SORCS1: variants seen among roughly 807,000 people sequenced by gnomAD.
SORCS1 encodes VPS10 domain-containing receptor SorCS1.
SORCS1 carries 60 observed loss-of-function variants against 146.1 expected under a neutral mutation model. The observed-to-expected ratio is 0.41, with a 90% CI of 0.33 to 0.51. The LOEUF (loss-of-function observed/expected upper bound fraction) is 0.51. SORCS1 is among the 20% of genes least tolerant of loss of function. The pLI, the probability that SORCS1 is intolerant of heterozygous loss-of-function variation, is 0.21. For synonymous variants in SORCS1, 637 were observed against 584.0 expected (o/e 1.09, Z -1.31); for missense variants, 1,352 against 1,487.6 (o/e 0.91, Z 1.50).
intron 13 of SORCS1, among the ~76,000 whole-genome samples, chr10:106,676,860 G>T (rs186679670): frequency 6.6e-6 from 1 of 152,116 alleles, no homozygotes; most frequent in African/African-American, 2.4e-5. Context: ...TAGTATCAAG[G>T]AGCTGAAACT....
rs553663251 is a variant in SORCS1 at position 106,655,492 on chromosome 10, G to C, written c.2304-2939C>G. The stretch of plus-strand genomic sequence containing the variant: ...CTTGGTGGGCAGCTATAGAAACACT[G>C]GTTCACCATCACCACTAGCATCATC... On this transcript the variant is annotated intron_variant, in intron 17 of 25. Transcript: ENST00000263054. 7.9e-5 allele frequency among the ~76,000 whole-genome samples: 12 copies of C among 151,974 alleles called. No individual in the cohort carries two copies. In the East Asian group the frequency reaches 2.1e-3, roughly 27 times the overall value.
At chr10:106,902,074 A>G (rs1367744706) in intron 2 of SORCS1, among the ~76,000 whole-genome samples, 1 of 152,070 alleles carries the variant, frequency 6.6e-6, no homozygotes, top group African/African-American at 2.4e-5. Flanking sequence ...TTACTATTCT[A>G]TCACAATATT....
intron 2 of SORCS1, among the ~76,000 whole-genome samples, chr10:106,872,592 T>C (rs920059068): frequency 2.0e-5 from 3 of 152,166 alleles, no homozygotes; most frequent in Admixed American, 6.5e-5. Flanking sequence ...ATGCCTATTC[T>C]CCTAAGAATG....
Position 106,864,674 on chromosome 10 carries a change from C to T in SORCS1, c.627-35001G>A, listed in dbSNP as rs140031716. On this transcript the variant is annotated intron_variant, in intron 2 of 25. Transcript: ENST00000263054. ...CAGGATAAGACCTGCTGATGCGGAA[C>T]TCCAGCCAGCCACTGGTAGCAACAA... 2.4e-4 allele frequency among the ~76,000 whole-genome samples: 36 copies of T among 152,254 alleles called. No individual in the cohort carries two copies. In the East Asian group the frequency reaches 5.0e-3, roughly 21 times the overall value.
chr10:107,051,803 A>C (rs1423312203), intron 1 of SORCS1, among the ~76,000 whole-genome samples: 1 of 152,188 alleles, frequency 6.6e-6, no homozygotes, highest in Non-Finnish European at 1.5e-5. Context: ...TGTTTAAGAC[A>C]CGCTAATTCA....
At chr10:106,916,296 C>A (rs1348573052) in intron 2 of SORCS1, among the ~76,000 whole-genome samples, 1 of 151,982 alleles carries the variant, frequency 6.6e-6, no homozygotes, top group East Asian at 1.9e-4. Context: ...CAAAGGCACT[C>A]AAACTATTTA....
At chr10:107,065,612 G>A (rs1961772413) in intron 1 of SORCS1, among the ~76,000 whole-genome samples, 1 of 150,408 alleles carries the variant, frequency 6.6e-6, no homozygotes. Context: ...TCGCCTCCAG[G>A]GCTCAAGCGA....
intron 18 of SORCS1, 85 bp downstream of exon 18, chr10:106,652,297 G>A (rs1005561531): frequency 1.7e-5 from 23 of 1,386,772 alleles, no homozygotes; most frequent in East Asian, 2.4e-5. Flanking sequence ...GGAGAAAGTT[G>A]AAAAAGATAT....
Position 106,760,442 on chromosome 10 carries a change from CAAAAAAA to C in SORCS1, c.959+1139_959+1145del, listed in dbSNP as rs34324078. 4.8e-4 allele frequency among the ~76,000 whole-genome samples: 22 copies of C among 45,804 alleles called. 1 individual carries two copies. In the South Asian group the frequency reaches 8.6e-3, roughly 18 times the overall value. The allele number at this position is 45,804 out of a possible 152,430, so 30.0% of individuals were successfully genotyped here. On this transcript the variant is annotated intron_variant, in intron 5 of 25. Transcript: ENST00000263054. ...CTGGTGACAGAGTGAGACTCCGTCT[CAAAAAAA>C]AAAAAAAAAAAAAAAAGAGGAAGAG...
intron 2 of SORCS1, among the ~76,000 whole-genome samples, chr10:106,895,177 TTTG>T: frequency 6.6e-6 from 1 of 152,292 alleles, no homozygotes; most frequent in Non-Finnish European, 1.5e-5. Flanking sequence ...GTCCCTTCCC[TTTG>T]TAGCAGGGGT....
intron 3 of SORCS1, among the ~76,000 whole-genome samples, chr10:106,788,463 G>C (rs541452409): frequency 1.7e-4 from 26 of 152,264 alleles, no homozygotes; most frequent in African/African-American, 5.5e-4. Flanking sequence ...AAGCAAGTTA[G>C]TTACTTCCAA....
At position 107,022,978 on chromosome 10, in the gene SORCS1, A is replaced by G. The variant is rs548766333; in HGVS notation, c.559-66398T>C. On this transcript the variant is annotated intron_variant, in intron 1 of 25. Coordinates refer to ENST00000263054, the MANE Select transcript of SORCS1 (RefSeq NM_052918.5). ...AGTAAATGAAAGGCTTCGGCTCCATAGTGGGAGGCCTGGATCTGAATCTGG... is the reference window on the plus strand; with the variant it reads ...AGTAAATGAAAGGCTTCGGCTCCATGGTGGGAGGCCTGGATCTGAATCTGG... Among the ~76,000 whole-genome samples, 10 of 152,296 alleles carry G rather than the reference A, an allele frequency of 6.6e-5. 1 individual carries two copies. The highest frequency in any genetic ancestry group is 2.4e-4 in the African/African-American group (10 of 41,566).
At chr10:106,786,669 C>T (rs960922668) in intron 3 of SORCS1, among the ~76,000 whole-genome samples, 10 of 152,152 alleles carry the variant, frequency 6.6e-5, no homozygotes, top group Admixed American at 6.5e-5. Flanking sequence ...AGCATGCACA[C>T]GCACACACAC....
intron 2 of SORCS1, among the ~76,000 whole-genome samples, chr10:106,947,316 A>G (rs1330066513): frequency 6.6e-6 from 1 of 152,234 alleles, no homozygotes; most frequent in South Asian, 2.1e-4. Flanking sequence ...TGTACTTTAT[A>G]AAGGTAAAAT....
chr10:106,933,776 A>G (rs11193122), intron 2 of SORCS1, among the ~76,000 whole-genome samples: 62,399 of 152,098 alleles, frequency 0.41, 15,757 homozygotes, highest in Non-Finnish European at 0.56. Context: ...ACTTTACCAG[A>G]TATCAATAGC....
At chr10:106,703,630 T>C (rs1854293876) in intron 8 of SORCS1, among the ~76,000 whole-genome samples, 1 of 152,236 alleles carries the variant, frequency 6.6e-6, no homozygotes, top group Non-Finnish European at 1.5e-5. Flanking sequence ...CAGGAGTTGA[T>C]ACAATGGTAG....
At chr10:106,903,955 C>A (rs143387181) in intron 2 of SORCS1, among the ~76,000 whole-genome samples, 223 of 152,286 alleles carry the variant, frequency 1.5e-3, no homozygotes, top group Non-Finnish European at 2.6e-3. Flanking sequence ...TTAGAAAAAT[C>A]ATCCTTCTTC....
intron 5 of SORCS1, among the ~76,000 whole-genome samples, chr10:106,753,355 G>T (rs1460597274): frequency 1.3e-5 from 2 of 152,018 alleles, no homozygotes; most frequent in African/African-American, 4.8e-5. Flanking sequence ...AAGTCTTAGG[G>T]GTACTGTGCT....
chr10:106,927,565 G>A (rs1461430879), intron 2 of SORCS1, among the ~76,000 whole-genome samples: 12 of 152,152 alleles, frequency 7.9e-5, no homozygotes, highest in South Asian at 2.1e-4. Flanking sequence ...CGGGCAGCCT[G>A]TTTATTCTCA....
Sources: allele counts gnomAD v4.1 joint callset (sites outside exome capture counted in the v4.1 genomes callset), GRCh38; gene constraint gnomAD v4.1.1; transcripts MANE v1.5; gene names NCBI Gene and HGNC (gene_info 2026-07-23, HGNC 2026-07-21).